CHRNA10: variants seen among roughly 807,000 people sequenced by gnomAD.
CHRNA10 encodes the protein cholinergic receptor nicotinic alpha 10 subunit, also known as neuronal acetylcholine receptor subunit alpha-10.
In CHRNA10, 31 loss-of-function variants were observed where a neutral mutation model predicts 36.0. That is an observed-to-expected ratio of 0.86 (90% CI 0.65 to 1.16). CHRNA10 has a LOEUF of 1.16. Ranked by LOEUF, CHRNA10 falls within the 50% of genes most tolerant of loss-of-function variation. CHRNA10 has a pLI of 0.00. For missense variants in CHRNA10, 648 were observed against 640.9 expected, an observed-to-expected ratio of 1.01 and a Z score of -0.12; for synonymous variants, 302 against 287.0, an observed-to-expected ratio of 1.05 and a Z score of -0.53.
intron 4 of CHRNA10, 60 bp downstream of exon 4, chr11:3,667,172 G>C: frequency 8.2e-6 from 12 of 1,469,400 alleles, no homozygotes; most frequent in Non-Finnish European, 1.1e-5. Context: ...GCCCTGTCGC[G>C]GCCCCGCCCT....
rs1272828283 is a variant in CHRNA10, at chr11:3,666,467, T to C, written c.993A>G (p.Pro331=). ...NLHYCGPSVR[P]VPAWARALLL... ...GGAGGGCCCTAGCCCAGGCTGGCAC[T>C]GGGCGGACACTGGGACCACAGTAAT... Residue 331 remains proline (P), a synonymous_variant, in exon 5 of 5, where the codon CCA becomes CCG. Coordinates refer to ENST00000250699, the MANE Select transcript of CHRNA10 (RefSeq NM_020402.4). 8 of 1,613,102 alleles carry C rather than the reference T, an allele frequency of 5.0e-6. No homozygotes were observed. Among genetic ancestry groups the C allele is most frequent in the Non-Finnish European group, 6.8e-6 (8 of 1,179,552 alleles).
At chr11:3,668,357 C>A (rs1323239786) in intron 3 of CHRNA10, 1 of 152,090 alleles carries the variant, frequency 6.6e-6, no homozygotes, top group Non-Finnish European at 1.5e-5. Flanking sequence ...ACTAAAAATA[C>A]AAAAAACTAG....
At chr11:3,669,034 G>A in intron 3 of CHRNA10, 162 bp downstream of exon 3, 1 of 711,818 alleles carries the variant, frequency 1.4e-6, no homozygotes, top group Admixed American at 3.0e-5. Context: ...GGGTGCCATG[G>A]AGGGGCTGAG....
intron 4 of CHRNA10, 62 bp downstream of exon 4, chr11:3,667,170 G>A: frequency 6.8e-7 from 1 of 1,467,186 alleles, no homozygotes; most frequent in Non-Finnish European, 9.0e-7. Flanking sequence ...AGGCCCTGTC[G>A]CGGCCCCGCC....
chr11:3,667,938 C>G (rs1261606309), intron 3 of CHRNA10, among the ~76,000 whole-genome samples, 174 bp from the exon 4 acceptor site: 3 of 152,206 alleles, frequency 2.0e-5, no homozygotes, highest in Admixed American at 2.0e-4. Context: ...CTGGCCCCAG[C>G]GTCTGCTGGC....
chr11:3,665,820 A>G lies in CHRNA10; in HGVS notation c.*287T>C. 5.8e-6 allele frequency: 2 copies of G among 345,528 alleles called. No homozygotes were observed. Among genetic ancestry groups the G allele is most frequent in the East Asian group, 4.6e-5 (1 of 21,522 alleles). 21.4% of individuals were successfully genotyped at this position (345,528 alleles called of 1,614,324 possible). A position where few individuals can be genotyped will look rare whatever the true frequency, so the allele number is the denominator to read the frequency against. The stretch of plus-strand genomic sequence containing the variant: ...TGTGCTCCCCACTGAGAGCTCCAAT[A>G]CCCAGCACAAACAATTCTGTCCCTC... On this transcript the variant is annotated 3_prime_UTR_variant, in exon 5 of 5. Coordinates refer to ENST00000250699, the MANE Select transcript of CHRNA10 (RefSeq NM_020402.4).
chr11:3,667,484 T>G lies in CHRNA10; in HGVS notation c.643A>C (p.Thr215Pro). ...LGMPARRRVL[T>P]YGCCSEPYPD... ...TAGGGCTCGGAGCAGCAGCCGTAGG[T>G]GAGCACGCGCCGCCGCGCCGGCATG... The change falls in exon 4 of 5, where the codon ACC becomes CCC. Residue 215 changes from threonine (T) to proline (P), a missense_variant. Coordinates refer to ENST00000250699, the MANE Select transcript of CHRNA10 (RefSeq NM_020402.4). 1 of 1,586,868 alleles carries G rather than the reference T, an allele frequency of 6.3e-7. No individual in the cohort carries two copies. Among genetic ancestry groups the G allele is most frequent in the African/African-American group, 1.4e-5 (1 of 73,676 alleles).
Position 3,667,258 on chromosome 11 carries a change from G to GGCATGCTCTCGGCCAGCA in CHRNA10, c.851_868dup (p.Leu284_Met289dup). 1.3e-6 allele frequency: 2 copies of GGCATGCTCTCGGCCAGCA among 1,593,258 alleles called. No homozygotes were observed. Among genetic ancestry groups the GGCATGCTCTCGGCCAGCA allele is most frequent in the Non-Finnish European group, 1.7e-6 (2 of 1,177,038 alleles). On this transcript the variant is annotated inframe_insertion, in exon 4 of 5. Coordinates refer to ENST00000250699, the MANE Select transcript of CHRNA10 (RefSeq NM_020402.4). ...GATGAGCGGCACGCTCTCGGCCGGT[G>GGCATGCTCTCGGCCAGCA]GCATGCTCTCGGCCAGCAGCAACTG...
Position 3,666,131 on chromosome 11 carries a change from G to A in CHRNA10, c.1329C>T (p.Leu443=). 1.9e-6 allele frequency: 3 copies of A among 1,571,352 alleles called. No homozygotes were observed. Among genetic ancestry groups the A allele is most frequent in the Non-Finnish European group, 2.6e-6 (3 of 1,158,906 alleles). The part of the protein sequence containing the change: ...IFFSMALVMS[L]LVLVQAL ...CTCACAGGGCCTGCACCAGCACCAG[G>A]AGGCTCATGACCAGGGCCATGGAGA... Residue 443 remains leucine, a synonymous_variant, in exon 5 of 5, where the codon CTC becomes CTT. Coordinates refer to ENST00000250699, the MANE Select transcript of CHRNA10 (RefSeq NM_020402.4).
chr11:3,670,346 T>G (rs2133976774), intron 1 of CHRNA10, among the ~76,000 whole-genome samples: 1 of 152,268 alleles, frequency 6.6e-6, no homozygotes, highest in South Asian at 2.1e-4. Context: ...TCGAGCTGGT[T>G]TCTTCAAAAC....
rs1329899803 is a variant in CHRNA10, at chr11:3,669,000, C to T, written c.362+196G>A. 12 of 581,184 alleles carry T rather than the reference C, an allele frequency of 2.1e-5. No individual in the cohort carries two copies. The Admixed American group carries it at 3.5e-4, about 17-fold the overall frequency. The allele number at this position is 581,184 out of a possible 1,614,324, so 36.0% of individuals were successfully genotyped here. A position where few individuals can be genotyped will look rare whatever the true frequency, so the allele number is the denominator to read the frequency against. ...GTTCCGAGGAGACGTTCAGCCTGGG[C>T]TGGCCTGGGATAGCCTAAAGTGGGG... is the stretch of plus-strand genomic sequence containing the variant. On this transcript the variant is annotated intron_variant, in intron 3 of 4. Coordinates refer to ENST00000250699, the MANE Select transcript of CHRNA10 (RefSeq NM_020402.4).
rs769677015 is a variant in CHRNA10, at chr11:3,667,268, C to A, written c.859G>T (p.Glu287Ter). The A allele has an allele frequency of 6.3e-7, 1 of 1,595,342 alleles. No individual in the cohort carries two copies. Among genetic ancestry groups the A allele is most frequent in the Admixed American group, 1.7e-5 (1 of 59,470 alleles). The change falls in exon 4 of 5, where the codon GAG becomes TAG. Residue 287 changes from glutamate (E) to a stop codon, truncating the protein, a stop_gained. Coordinates refer to ENST00000250699, the MANE Select transcript of CHRNA10 (RefSeq NM_020402.4). LOFTEE classifies it high-confidence loss of function. ...ALTVFQLLLA[E>*]SMPPAESVPL... ...ACGCTCTCGGCCGGTGGCATGCTCT[C>A]GGCCAGCAGCAACTGGAAGACGGTG...
In CHRNA10 at chr11:3,667,243, A is replaced by G. The variant is rs753015038; in HGVS notation, c.884T>C (p.Val295Ala). The change falls in exon 4 of 5, where the codon GTG (valine) becomes GCG (alanine). Residue 295 changes from valine to alanine, a missense_variant. Val to Ala is a moderately conservative substitution (Grantham distance 64). Coordinates refer to ENST00000250699, the MANE Select transcript of CHRNA10 (RefSeq NM_020402.4). The part of the protein sequence containing the change: ...LAESMPPAES[V>A]PLIGKYYMAT... ...CCCCCGCTGCTCACCGATGAGCGGC[A>G]CGCTCTCGGCCGGTGGCATGCTCTC... 10 of 1,585,640 alleles carry G rather than the reference A, an allele frequency of 6.3e-6. No homozygotes were observed. In the African/African-American group the frequency reaches 1.3e-4, roughly 21 times the overall value.
chr11:3,669,931 T>A lies in CHRNA10; in HGVS notation c.72A>T (p.Gly24=). The A allele has an allele frequency of 6.2e-7, 1 of 1,614,152 alleles. No homozygotes were observed. Among genetic ancestry groups the A allele is most frequent in the African/African-American group, 1.3e-5 (1 of 75,038 alleles). ...LLFLLPAECL[G]AEGRLALKLF... ...GCTTGAGAGCCAGCCGGCCCTCAGC[T>A]CCCAGGCACTCTGGAGGGTCAGTAA... The change falls in exon 2 of 5, where the codon GGA becomes GGT. Residue 24 remains glycine (G), a synonymous_variant. Coordinates refer to ENST00000250699, the MANE Select transcript of CHRNA10 (RefSeq NM_020402.4).
At chr11:3,669,689 A>G (rs1193252182) in intron 2 of CHRNA10, 107 bp downstream of exon 2, 11 of 1,455,450 alleles carry the variant, frequency 7.6e-6, no homozygotes, top group Non-Finnish European at 9.6e-6. Flanking sequence ...TAATATTAAC[A>G]TTTACAGAAA....
rs191633110 is a variant in CHRNA10, at chr11:3,670,747, T to C, written c.61+505A>G. ...TCCTCCTCGGGGAATCCAGTTAATCTCCAGATCCTGTCAGATCATTCAAAT... is the reference window on the plus strand; with the variant it reads ...TCCTCCTCGGGGAATCCAGTTAATCCCCAGATCCTGTCAGATCATTCAAAT... On this transcript the variant is annotated intron_variant, in intron 1 of 4. Coordinates refer to ENST00000250699, the MANE Select transcript of CHRNA10 (RefSeq NM_020402.4). Among the ~76,000 whole-genome samples, 137 of 152,312 alleles carry C rather than the reference T, an allele frequency of 9.0e-4. 2 individuals are homozygous for C. The highest frequency in any genetic ancestry group is 3.7e-3 in the South Asian group (18 of 4,830).
intron 2 of CHRNA10, 109 bp from the exon 3 acceptor site, chr11:3,669,459 T>C: frequency 2.2e-6 from 3 of 1,374,526 alleles, no homozygotes; most frequent in African/African-American, 1.4e-5. Context: ...ACCTGACTTG[T>C]CCATACCGTC....
Position 3,667,643 on chromosome 11 carries a change from G to A in CHRNA10, c.484C>T (p.Pro162Ser). The part of the protein sequence containing the change: ...SSCRVDVAAF[P>S]FDAQHCGLTF... ...AGGCCGCAGTGCTGGGCGTCGAACG[G>A]GAAGGCTGCTACATCCACGCGGCAC... The change falls in exon 4 of 5, where the codon CCG becomes TCG. Residue 162 changes from proline to serine, a missense_variant. Physicochemically the swap from Pro to Ser is moderately conservative, Grantham distance 74 (BLOSUM62 -1). Transcript: ENST00000250699. 1 of 1,559,528 alleles carries A rather than the reference G, an allele frequency of 6.4e-7. No individual in the cohort carries two copies. The highest frequency in any genetic ancestry group is 8.6e-7 in the Non-Finnish European group (1 of 1,157,454).
rs1203372857 is a variant in CHRNA10, at chr11:3,667,424, GGCGGCGCA to G, written c.695_702del (p.Leu232ProfsTer103). 1.3e-6 allele frequency: 2 copies of G among 1,596,878 alleles called. No homozygotes were observed. The highest frequency in any genetic ancestry group is 1.7e-6 in the Non-Finnish European group (2 of 1,176,648). On this transcript the variant is annotated frameshift_variant, in exon 4 of 5. Transcript: ENST00000250699. LOFTEE classifies it high-confidence loss of function. ...AGGTTGCACACGTAGGCGGCGGCGC[GGCGGCGCA>G]GCAGCAGCGTGAAGGTGACGTCGGG... is the stretch of plus-strand genomic sequence containing the variant.
Sources: allele counts gnomAD v4.1 joint callset (sites outside exome capture counted in the v4.1 genomes callset), GRCh38; gene constraint gnomAD v4.1.1; transcripts MANE v1.5; gene names NCBI Gene and HGNC (gene_info 2026-07-23, HGNC 2026-07-21).